The following MALRD1 variants were observed in gnomAD, a reference collection of about 807,000 sequenced individuals.
The protein encoded by MALRD1 is MAM and LDL receptor class A domain containing 1.
In MALRD1, 247 loss-of-function variants were observed where a neutral mutation model predicts 242.1. The observed-to-expected ratio is 1.02, with a 90% CI of 0.92 to 1.13. The LOEUF (loss-of-function observed/expected upper bound fraction) is 1.13. Among genes scored for constraint, MALRD1 ranks in the 50% most tolerant of loss-of-function variants. The pLI is 0.00. For missense variants in MALRD1, 2,989 were observed against 2,533.1 expected (o/e 1.18, Z -3.86); for synonymous variants, 995 against 866.6 (o/e 1.15, Z -2.60).
At chr10:19,369,537 C>A (rs1845273660) in intron 26 of MALRD1, among the ~76,000 whole-genome samples, 1 of 148,444 alleles carries the variant, frequency 6.7e-6, no homozygotes, top group Non-Finnish European at 1.5e-5. Context: ...TGTAAATACA[C>A]AAATATTTAA....
At chr10:19,643,912 A>G (rs1345974405) in intron 36 of MALRD1, among the ~76,000 whole-genome samples, 1 of 152,138 alleles carries the variant, frequency 6.6e-6, no homozygotes, top group Non-Finnish European at 1.5e-5. Context: ...TAGAGGGAGA[A>G]TGAGAGTATC....
At chr10:19,658,090 G>A (rs1027732009) in intron 36 of MALRD1, among the ~76,000 whole-genome samples, 3 of 152,074 alleles carry the variant, frequency 2.0e-5, no homozygotes, top group Admixed American at 6.6e-5. Flanking sequence ...AGAGGTTGCT[G>A]TGAGCCGAGA....
At chr10:19,240,991 C>G (rs149413980) in intron 18 of MALRD1, among the ~76,000 whole-genome samples, 4 of 152,090 alleles carry the variant, frequency 2.6e-5, no homozygotes, top group Admixed American at 2.0e-4. Context: ...ATTTTTTTAT[C>G]TATGTTCTTC....
chr10:19,087,091 C>T (rs973037780), intron 2 of MALRD1, among the ~76,000 whole-genome samples: 1 of 152,000 alleles, frequency 6.6e-6, no homozygotes, highest in Non-Finnish European at 1.5e-5. Flanking sequence ...CTCTTTCTAG[C>T]TGCTTGTTGT....
At chr10:19,268,446 T>C (rs1343804470) in intron 19 of MALRD1, among the ~76,000 whole-genome samples, 2 of 152,116 alleles carry the variant, frequency 1.3e-5, no homozygotes, top group African/African-American at 4.8e-5. Flanking sequence ...GTAAGTGAAA[T>C]AGAAGAAATG....
At chr10:19,292,298 C>A (rs915107159) in intron 21 of MALRD1, among the ~76,000 whole-genome samples, 7 of 151,976 alleles carry the variant, frequency 4.6e-5, no homozygotes, top group African/African-American at 1.2e-4. Context: ...TTACCTTTGT[C>A]TTTCTGTTGG....
chr10:19,084,621 C>T (rs538499806), intron 2 of MALRD1, among the ~76,000 whole-genome samples: 6 of 151,866 alleles, frequency 4.0e-5, no homozygotes, highest in South Asian at 4.2e-4. Flanking sequence ...AAAGTGAGAC[C>T]GAAAATTCTA....
chr10:19,115,272 T>G (rs1475597011), intron 5 of MALRD1, among the ~76,000 whole-genome samples: 1 of 152,134 alleles, frequency 6.6e-6, no homozygotes, highest in African/African-American at 2.4e-5. Flanking sequence ...GCTGGGACTT[T>G]CCCACGTGCT....
rs1045775517 is a variant in MALRD1, at chr10:19,104,838, A to C, written c.694+763A>C. ...AAGAAGAGATGTCTTCATCTACTTA[A>C]GAAAGACCATAGGATCTTGATATTG... On this transcript the variant is annotated intron_variant, in intron 5 of 39. Coordinates refer to ENST00000454679, the MANE Select transcript of MALRD1 (RefSeq NM_001142308.3). Among the ~76,000 whole-genome samples the C allele has an allele frequency of 2.0e-5, 3 of 152,118 alleles. No individual in the cohort carries two copies. The East Asian group carries it at 5.8e-4, about 29-fold the overall frequency.
chr10:19,292,095 A>T (rs937843630), intron 21 of MALRD1, among the ~76,000 whole-genome samples: 6 of 151,408 alleles, frequency 4.0e-5, no homozygotes, highest in Non-Finnish European at 7.4e-5. Context: ...AAAAAAAAAA[A>T]AAAAAAATCA....
At chr10:19,377,828 A>G (rs1318748208) in intron 26 of MALRD1, among the ~76,000 whole-genome samples, 1 of 152,066 alleles carries the variant, frequency 6.6e-6, no homozygotes, top group Non-Finnish European at 1.5e-5. Flanking sequence ...ATAAACCTAA[A>G]CTTTATAAAT....
At chr10:19,410,656 C>T (rs1393101583) in intron 28 of MALRD1, among the ~76,000 whole-genome samples, 1 of 148,460 alleles carries the variant, frequency 6.7e-6, no homozygotes, top group African/African-American at 2.5e-5. Context: ...CTCCCCTCCC[C>T]TCCATCCATT....
intron 36 of MALRD1, among the ~76,000 whole-genome samples, chr10:19,641,319 A>G (rs1190508441): frequency 2.0e-5 from 3 of 152,200 alleles, no homozygotes; most frequent in African/African-American, 7.2e-5. Flanking sequence ...CAATAGTTAT[A>G]TGTACACCAC....
At chr10:19,498,766 T>TTCC (rs1837837242) in intron 31 of MALRD1, 120 bp downstream of exon 31, 1 of 1,209,254 alleles carries the variant, frequency 8.3e-7, no homozygotes, top group African/African-American at 1.5e-5. Flanking sequence ...CTCAGTAGGT[T>TTCC]TTATGGAAAG....
At position 19,128,342 on chromosome 10, in the gene MALRD1, T is replaced by C; in HGVS notation, c.1065T>C (p.Tyr355=). Residue 355 remains tyrosine, a synonymous_variant, in exon 8 of 40, where the codon TAT becomes TAC. Transcript: ENST00000454679. ...AGAGCTGTCATCTTCAATTCTATTA[T>C]GCAATGGAAAGCAGTGTCCTGAGAG... ...LGKSCHLQFY[Y]AMESSVLRVR... The C allele has an allele frequency of 8.1e-7, 1 of 1,233,344 alleles. No homozygotes were observed. Among genetic ancestry groups the C allele is most frequent in the Non-Finnish European group, 1.0e-6 (1 of 987,716 alleles). 76.4% of individuals were successfully genotyped at this position (1,233,344 alleles called of 1,614,324 possible). A position where few individuals can be genotyped will look rare whatever the true frequency, so the allele number is the denominator to read the frequency against.
At chr10:19,103,551 C>CAAAAAAAAAA (rs61433069) in intron 4 of MALRD1, among the ~76,000 whole-genome samples, 16 of 109,680 alleles carry the variant, frequency 1.5e-4, no homozygotes, top group East Asian at 2.8e-4. Flanking sequence ...GACTCCGTCT[C>CAAAAAAAAAA]AAAAAAAAAA....
intron 21 of MALRD1, among the ~76,000 whole-genome samples, chr10:19,305,988 TAC>T (rs1414656806): frequency 8.0e-6 from 1 of 124,408 alleles, no homozygotes. Context: ...ATATTATATA[TAC>T]TATATATTAT....
intron 19 of MALRD1, among the ~76,000 whole-genome samples, chr10:19,261,544 A>G (rs1313461044): frequency 1.3e-5 from 2 of 151,294 alleles, no homozygotes; most frequent in African/African-American, 4.9e-5. Flanking sequence ...TAACTTCACT[A>G]AGGGGCATTG....
At chr10:19,236,285 A>T (rs1332808905) in intron 18 of MALRD1, among the ~76,000 whole-genome samples, 4 of 152,260 alleles carry the variant, frequency 2.6e-5, no homozygotes, top group Non-Finnish European at 5.9e-5. Flanking sequence ...TGCAGGTGTG[A>T]TATGACACTT....
Sources: allele counts gnomAD v4.1 joint callset (sites outside exome capture counted in the v4.1 genomes callset), GRCh38; gene constraint gnomAD v4.1.1; transcripts MANE v1.5; gene names NCBI Gene and HGNC (gene_info 2026-07-23, HGNC 2026-07-21).